Variants in CHN2 observed in about 807,000 individuals in gnomAD.
CHN2 encodes beta-chimaerin.
CHN2 carries 35 observed loss-of-function variants against 56.3 expected under a neutral mutation model. The ratio of observed to expected loss-of-function variants is 0.62; its 90% CI spans 0.47 to 0.82. CHN2 has a LOEUF of 0.82. Among genes scored for constraint, CHN2 ranks in the 40% least tolerant of loss-of-function variants. CHN2 has a pLI of 0.00. For synonymous variants in CHN2, 210 were observed against 212.8 expected, an observed-to-expected ratio of 0.99 and a Z score of 0.12; for missense variants, 491 against 580.5, an observed-to-expected ratio of 0.85 and a Z score of 1.58.
intron 3 of CHN2, among the ~76,000 whole-genome samples, chr7:29,390,053 C>CAAAAA (rs59954760): frequency 7.4e-5 from 9 of 121,972 alleles, no homozygotes; most frequent in South Asian, 2.8e-4. Flanking sequence ...GACACTGTCT[C>CAAAAA]AAAAAAAAAA....
chr7:29,316,139 G>A (rs1051857845), intron 1 of CHN2, among the ~76,000 whole-genome samples: 10 of 152,158 alleles, frequency 6.6e-5, no homozygotes, highest in African/African-American at 1.9e-4. Flanking sequence ...CAGCTCTAAA[G>A]TTGTGTGAGC....
At chr7:29,374,801 TTTCCTTCC>T (rs57274609) in intron 3 of CHN2, among the ~76,000 whole-genome samples, 3,235 of 128,234 alleles carry the variant, frequency 0.025, 100 homozygotes, top group African/African-American at 0.068. Context: ...TATTTCTTTA[TTTCCTTCC>T]TTCCTTCCTT....
chr7:29,250,490 G>A (rs1788406153), intron 1 of CHN2, among the ~76,000 whole-genome samples: 1 of 152,192 alleles, frequency 6.6e-6, no homozygotes, highest in African/African-American at 2.4e-5. Flanking sequence ...CAACAGAGGT[G>A]TCTGATGTAG....
intron 9 of CHN2, among the ~76,000 whole-genome samples, chr7:29,503,919 G>A (rs147329036): frequency 3.7e-4 from 57 of 152,242 alleles, no homozygotes; most frequent in Admixed American, 2.0e-3. Context: ...GAACTGACTC[G>A]TTTTTAGGAC....
At position 29,466,299 on chromosome 7, in the gene CHN2, T is replaced by C. The variant is rs181052927; in HGVS notation, c.577-13980T>C. Among the ~76,000 whole-genome samples, 504 of 152,286 alleles carry C rather than the reference T, an allele frequency of 3.3e-3. 2 individuals carry two copies. Among genetic ancestry groups the C allele is most frequent in the Middle Eastern group, 0.01 (3 of 294 alleles). On this transcript the variant is annotated intron_variant, in intron 6 of 12. Transcript: ENST00000222792. ...AATTATCATAGCTATACTCTACATA[T>C]TGAGACGTAATTTTCTGGGTGTAGA...
intron 1 of CHN2, among the ~76,000 whole-genome samples, chr7:29,314,559 T>C (rs199816513): frequency 1.3e-5 from 2 of 152,158 alleles, no homozygotes; most frequent in East Asian, 3.9e-4. Flanking sequence ...AAAATAAAAT[T>C]AAGTGTAAAA....
chr7:29,262,329 G>T (rs1319061015), intron 1 of CHN2, among the ~76,000 whole-genome samples: 1 of 152,200 alleles, frequency 6.6e-6, no homozygotes, highest in Non-Finnish European at 1.5e-5. Flanking sequence ...ACACATAGTT[G>T]TTCTTAACAC....
chr7:29,371,592 A>G (rs868258090), intron 3 of CHN2, among the ~76,000 whole-genome samples: 2 of 152,148 alleles, frequency 1.3e-5, no homozygotes, highest in South Asian at 4.1e-4. Context: ...ACTGTGTGGA[A>G]TGTTGACTCT....
intron 2 of CHN2, among the ~76,000 whole-genome samples, chr7:29,171,710 A>G (rs772618551): frequency 7.9e-5 from 12 of 152,214 alleles, no homozygotes; most frequent in African/African-American, 2.7e-4. Flanking sequence ...CATATGACAT[A>G]ATTTAGAAAT....
intron 1 of CHN2, among the ~76,000 whole-genome samples, chr7:29,203,074 A>T (rs1018053520): frequency 6.6e-6 from 1 of 152,242 alleles, no homozygotes; most frequent in Non-Finnish European, 1.5e-5. Flanking sequence ...TACAAGTGTA[A>T]AATTCACACT....
At chr7:29,485,493 G>C (rs1013009885) in intron 7 of CHN2, among the ~76,000 whole-genome samples, 1 of 152,196 alleles carries the variant, frequency 6.6e-6, no homozygotes, top group African/African-American at 2.4e-5. Flanking sequence ...TAGTGCTGGA[G>C]ATCCTGTGTA....
intron 1 of CHN2, among the ~76,000 whole-genome samples, chr7:29,271,793 C>T (rs761524227): frequency 1.3e-5 from 2 of 152,260 alleles, no homozygotes; most frequent in Middle Eastern, 3.4e-3. Context: ...AAGTAAGAGA[C>T]GTGAGTTAAA....
intron 8 of CHN2, among the ~76,000 whole-genome samples, chr7:29,499,040 G>C (rs868537092): frequency 3.9e-5 from 6 of 152,236 alleles, no homozygotes; most frequent in South Asian, 2.1e-4. Context: ...GATTACAGGC[G>C]TGAGCCACCA....
At chr7:29,385,200 AT>A (rs1227472176) in intron 3 of CHN2, among the ~76,000 whole-genome samples, 1 of 152,156 alleles carries the variant, frequency 6.6e-6, no homozygotes, top group Non-Finnish European at 1.5e-5. Flanking sequence ...TCAAAAGCAA[AT>A]ATTTCCTTCT....
At chr7:29,206,585 ATT>A (rs200980737) in intron 1 of CHN2, among the ~76,000 whole-genome samples, 1 of 151,052 alleles carries the variant, frequency 6.6e-6, no homozygotes, top group African/African-American at 2.4e-5. Flanking sequence ...TGGCCTAGAA[ATT>A]TTTTTTTTAA....
chr7:29,357,690 A>C (rs1478021853), intron 2 of CHN2, among the ~76,000 whole-genome samples: 1 of 152,190 alleles, frequency 6.6e-6, no homozygotes, highest in Non-Finnish European at 1.5e-5. Flanking sequence ...AGACTATAGA[A>C]GAGGTCAAAT....
chr7:29,272,588 A>G (rs1026948635), intron 1 of CHN2, among the ~76,000 whole-genome samples: 1 of 152,200 alleles, frequency 6.6e-6, no homozygotes, highest in Non-Finnish European at 1.5e-5. Flanking sequence ...CCACTGGGTT[A>G]AAAAGAAAGT....
chr7:29,200,427 T>C (rs1784063044), intron 1 of CHN2, among the ~76,000 whole-genome samples: 2 of 141,352 alleles, frequency 1.4e-5, no homozygotes, highest in African/African-American at 5.3e-5. Flanking sequence ...CTTCCTTCCT[T>C]CTTTCCTTCC....
At chr7:29,180,881 C>T (rs1797986628) in intron 2 of CHN2, among the ~76,000 whole-genome samples, 1 of 152,178 alleles carries the variant, frequency 6.6e-6, no homozygotes, top group Non-Finnish European at 1.5e-5. Context: ...ATAAGCATGA[C>T]TGCTTGCAGT....
Sources: gnomAD v4.1 joint callset for allele counts (sites outside exome capture counted in the v4.1 genomes callset) on GRCh38, gnomAD v4.1.1 for gene constraint, MANE v1.5 for transcripts, NCBI Gene and HGNC (gene_info 2026-07-23, HGNC 2026-07-21) for gene names.